The following CPA5 variants were observed in gnomAD, a reference collection of about 807,000 sequenced individuals.
CPA5 encodes carboxypeptidase A5.
A neutral mutation model predicts 52.2 loss-of-function variants in CPA5; 38 were observed. The observed-to-expected ratio is 0.73, with a 90% CI of 0.56 to 0.95. The LOEUF (loss-of-function observed/expected upper bound fraction) is 0.95. Among genes scored for constraint, CPA5 ranks in the 40% least tolerant of loss-of-function variants. The pLI, the probability that CPA5 is intolerant of heterozygous loss-of-function variation, is 0.00. For missense variants in CPA5, 519 were observed against 566.7 expected (o/e 0.92, Z 0.86); for synonymous variants, 198 against 213.7 (o/e 0.93, Z 0.64).
intron 10 of CPA5, among the ~76,000 whole-genome samples, chr7:130,366,989 A>T (rs990827873): frequency 2.0e-5 from 3 of 152,208 alleles, no homozygotes; most frequent in Non-Finnish European, 4.4e-5. Flanking sequence ...ACAAATATCC[A>T]TCCCAATCTC....
intron 4 of CPA5, among the ~76,000 whole-genome samples, chr7:130,349,325 T>C (rs1421053119): frequency 6.6e-6 from 1 of 151,974 alleles, no homozygotes; most frequent in Admixed American, 6.6e-5. Flanking sequence ...TTCCAGCTAC[T>C]CAGGAGGCTG....
chr7:130,363,686 G>A (rs2117434241), intron 10 of CPA5, among the ~76,000 whole-genome samples, 177 bp downstream of exon 10: 1 of 152,306 alleles, frequency 6.6e-6, no homozygotes, highest in African/African-American at 2.4e-5. Context: ...CTGGCTGTGG[G>A]TACGGGAGAG....
Position 130,362,942 on chromosome 7 carries a change from T to G in CPA5, c.695T>G (p.Ile232Ser). ...ACAGACATACTGAATGCCATGGACA[T>G]CTTCATAGAGCTCGTCACAAACCCT... ...VLTDILNAMD[I>S]FIELVTNPDG... The change falls in exon 9 of 13, where the codon ATC (isoleucine) becomes AGC (serine). Residue 232 changes from isoleucine to serine, a missense_variant. Transcript: ENST00000474905. 1 of 1,613,908 alleles carries G rather than the reference T, an allele frequency of 6.2e-7. No individual in the cohort carries two copies. Among genetic ancestry groups the G allele is most frequent in the Non-Finnish European group, 8.5e-7 (1 of 1,179,912 alleles).
intron 10 of CPA5, 58 bp from the exon 11 acceptor site, chr7:130,367,314 C>A: frequency 2.7e-6 from 4 of 1,469,602 alleles, no homozygotes; most frequent in South Asian, 1.1e-5. Flanking sequence ...ATTTTGTGAG[C>A]ACCGTCTGTG....
Position 130,346,602 on chromosome 7 carries a change from G to A in CPA5, c.116+1G>A. On this transcript the variant is annotated splice_donor_variant, in intron 3 of 12. Coordinates refer to ENST00000474905, the MANE Select transcript of CPA5 (RefSeq NM_080385.5). LOFTEE classifies it high-confidence loss of function. ...CTTTGGGCCAAATGAATTTCACAGG[G>A]TGAGTGGCTGCTCCACAGTGGGAGG... The A allele has an allele frequency of 6.2e-7, 1 of 1,612,068 alleles. No homozygotes were observed. Among genetic ancestry groups the A allele is most frequent in the Non-Finnish European group, 8.5e-7 (1 of 1,178,238 alleles).
chr7:130,348,445 A>G (rs1794912981), intron 4 of CPA5, among the ~76,000 whole-genome samples: 1 of 152,214 alleles, frequency 6.6e-6, no homozygotes, highest in Admixed American at 6.5e-5. Context: ...TGTCCCGTCG[A>G]CTGGGACTCA....
At chr7:130,346,669 G>A (rs1368276655) in intron 3 of CPA5, 68 bp downstream of exon 3, 7 of 1,345,422 alleles carry the variant, frequency 5.2e-6, no homozygotes, top group Non-Finnish European at 4.2e-6. Flanking sequence ...CCCAGCAGGA[G>A]GTGGCTGCCC....
At position 130,346,386 on chromosome 7, in the gene CPA5, T is replaced by C; in HGVS notation, c.-93-7T>C. On this transcript the variant is annotated splice_region_variant and splice_polypyrimidine_tract_variant and intron_variant, in intron 2 of 12. Transcript: ENST00000474905. ...GGTGCCCCAGACAGCCTAATGCTCT[T>C]TCTCAGGCTGGGCTTTCCAGCCTCT... 1 of 852,684 alleles carries C rather than the reference T, an allele frequency of 1.2e-6. No homozygotes were observed. Among genetic ancestry groups the C allele is most frequent in the Non-Finnish European group, 1.8e-6 (1 of 546,166 alleles). The allele number at this position is 852,684 out of a possible 1,614,324, so 52.8% of individuals were successfully genotyped here. A position where few individuals can be genotyped will look rare whatever the true frequency, so the allele number is the denominator to read the frequency against.
chr7:130,374,032 G>C, the CPA5 span, among the ~76,000 whole-genome samples: 1 of 151,054 alleles, frequency 6.6e-6, no homozygotes, highest in Non-Finnish European at 1.5e-5. Flanking sequence ...CTTTGTTGAC[G>C]TTCCAGAGCC....
At chr7:130,348,956 C>T (rs746226297) in intron 4 of CPA5, among the ~76,000 whole-genome samples, 32 of 152,176 alleles carry the variant, frequency 2.1e-4, no homozygotes, top group Non-Finnish European at 4.0e-4. Context: ...CTCCCCTCCG[C>T]GAGTCACTTA....
chr7:130,367,503 A>G lies in CPA5; in HGVS notation c.970A>G (p.Ser324Gly). 4 of 1,614,094 alleles carry G rather than the reference A, an allele frequency of 2.5e-6. No homozygotes were observed. The highest frequency in any genetic ancestry group is 3.4e-6 in the Non-Finnish European group (4 of 1,180,012). Residue 324 changes from serine to glycine, a missense_variant, in exon 11 of 13, where the codon AGC (serine) becomes GGC (glycine). Ser to Gly is a moderately conservative substitution (Grantham distance 56). Transcript: ENST00000474905. ...GNFKALISIH[S>G]YSQMLMYPYG... ...CTTCAAGGCTCTGATCTCCATCCACAGCTACTCTCAGATGCTTATGTACCC... is the reference window on the plus strand; with the variant it reads ...CTTCAAGGCTCTGATCTCCATCCACGGCTACTCTCAGATGCTTATGTACCC...
At chr7:130,374,032 G>A in the CPA5 span, among the ~76,000 whole-genome samples, 1 of 151,054 alleles carries the variant, frequency 6.6e-6, no homozygotes, top group Non-Finnish European at 1.5e-5. Context: ...CTTTGTTGAC[G>A]TTCCAGAGCC....
At position 130,368,619 on chromosome 7, in the gene CPA5, G is replaced by T; in HGVS notation, c.*22G>T. ...CTAGCAGCACGACTGAGGGCAGGAG[G>T]CTCCATCCTTCTCCCCAAGGTCTGT... On this transcript the variant is annotated 3_prime_UTR_variant, in exon 13 of 13. Transcript: ENST00000474905. 1.2e-6 allele frequency: 2 copies of T among 1,612,506 alleles called. No individual in the cohort carries two copies. The highest frequency in any genetic ancestry group is 1.7e-6 in the Non-Finnish European group (2 of 1,179,402).
At position 130,355,096 on chromosome 7, in the gene CPA5, G is replaced by A. The variant is rs554231977; in HGVS notation, c.334-4493G>A. Among the ~76,000 whole-genome samples the A allele has an allele frequency of 1.1e-4, 16 of 152,260 alleles. No homozygotes were observed. In the East Asian group the frequency reaches 2.7e-3, roughly 26 times the overall value. On this transcript the variant is annotated intron_variant, in intron 5 of 12. Transcript: ENST00000474905. ...AGAAGAAGAGGACCCAGGCCCCTCTGTTGGGCCCCATGAAAGTCAGGTGCT... is the reference window on the plus strand; with the variant it reads ...AGAAGAAGAGGACCCAGGCCCCTCTATTGGGCCCCATGAAAGTCAGGTGCT...
downstream of CPA5, among the ~76,000 whole-genome samples, chr7:130,368,997 G>A (rs1296473722): frequency 6.6e-6 from 1 of 152,208 alleles, no homozygotes; most frequent in Non-Finnish European, 1.5e-5. Flanking sequence ...CTCTAAAAGA[G>A]CATTTCTGAT....
In CPA5 at chr7:130,362,985, C is replaced by T. The variant is rs1795877443; in HGVS notation, c.738C>T (p.Thr246=). The stretch of plus-strand genomic sequence containing the variant: ...CAAACCCTGATGGGTTTGCTTTTAC[C>T]CACAGCATGGTGAGGGAACCTGGGA... The part of the protein sequence containing the change: ...LVTNPDGFAF[T]HSMNRLWRKN... The change falls in exon 9 of 13, where the codon ACC becomes ACT. Residue 246 remains threonine (T), a synonymous_variant. Coordinates refer to ENST00000474905, the MANE Select transcript of CPA5 (RefSeq NM_080385.5). 2 of 1,605,532 alleles carry T rather than the reference C, an allele frequency of 1.2e-6. No individual in the cohort carries two copies. Among genetic ancestry groups the T allele is most frequent in the African/African-American group, 1.3e-5 (1 of 74,846 alleles).
intron 6 of CPA5, among the ~76,000 whole-genome samples, chr7:130,360,110 T>TA (rs1287266846): frequency 2.0e-5 from 3 of 152,224 alleles, no homozygotes; most frequent in African/African-American, 7.2e-5. Context: ...CTTATAGTTA[T>TA]AAAAAGGACA....
intron 12 of CPA5, 119 bp from the exon 13 acceptor site, chr7:130,368,291 C>T: frequency 1.0e-6 from 1 of 955,536 alleles, no homozygotes; most frequent in Non-Finnish European, 1.6e-6. Flanking sequence ...CCTGGTGTGG[C>T]CTGGGGTGGG....
chr7:130,363,273 C>A (rs1795893447), intron 9 of CPA5, 146 bp from the exon 10 acceptor site: 4 of 671,494 alleles, frequency 6.0e-6, no homozygotes, highest in Non-Finnish European at 1.0e-5. Context: ...CAGCCCCATG[C>A]CAGCCCCATC....
Sources: gnomAD v4.1 joint callset for allele counts (sites outside exome capture counted in the v4.1 genomes callset) on GRCh38, gnomAD v4.1.1 for gene constraint, MANE v1.5 for transcripts, NCBI Gene and HGNC (gene_info 2026-07-23, HGNC 2026-07-21) for gene names.